The following UTY variants were observed in gnomAD, a reference collection of about 807,000 sequenced individuals.
UTY encodes ubiquitously transcribed tetratricopeptide repeat containing, Y-linked.
Under a neutral mutation model 32.5 loss-of-function variants are expected in UTY, and 12 were observed. The observed-to-expected ratio is 0.37, with a 90% CI of 0.24 to 0.60. The LOEUF (loss-of-function observed/expected upper bound fraction) is 0.60. Among genes scored for constraint, UTY ranks in the 20% least tolerant of loss-of-function variants. The probability of loss-of-function intolerance (pLI) is 0.69; values close to 1 mark genes in which losing one functional copy is unlikely to be tolerated. For synonymous variants in UTY, 131 were observed against 103.4 expected, an observed-to-expected ratio of 1.27 and a Z score of -1.62; for missense variants, 303 against 299.2, an observed-to-expected ratio of 1.01 and a Z score of -0.09.
At chrY:13,260,868 C>A (rs2055216167) in intron 27 of UTY, among the ~76,000 whole-genome samples, 1 of 33,148 alleles carries the variant, frequency 3.0e-5, no homozygotes, top group Non-Finnish European at 7.5e-5. Context: ...ATGGTCACTA[C>A]AAGATACAAA....
chrY:13,318,302 TAA>T, intron 21 of UTY, among the ~76,000 whole-genome samples: 1 of 31,434 alleles, frequency 3.2e-5, no homozygotes, highest in South Asian at 6.7e-4. Flanking sequence ...TAAGAAAGCT[TAA>T]AGAGAAATAA....
Position 13,335,619 on chromosome Y carries a change from T to G in UTY, c.2778A>C (p.Leu926Phe). The G allele has an allele frequency of 2.5e-6, 1 of 398,880 alleles. No individual in the cohort carries two copies. Among genetic ancestry groups the G allele is most frequent in the Non-Finnish European group, 3.5e-6 (1 of 283,542 alleles). ...GGCATATAGACACTGACATTGATGGTAAGATCTGAGAAGTAGATCTGTGGC... is the reference window on the plus strand; with the variant it reads ...GGCATATAGACACTGACATTGATGGGAAGATCTGAGAAGTAGATCTGTGGC... ...LASHRSTSQI[L>F]PSMSVSICPS... Residue 926 changes from leucine (L) to phenylalanine (F), a missense_variant, in exon 18 of 30, where the codon TTA (leucine) becomes TTC (phenylalanine). By Grantham distance (22) the Leu-to-Phe change is conservative (BLOSUM62 0). Transcript: ENST00000545955.
chrY:13,369,040 G>A (rs761227286), intron 9 of UTY, among the ~76,000 whole-genome samples: 1 of 32,849 alleles, frequency 3.0e-5, no homozygotes, highest in Admixed American at 2.8e-4. Context: ...AGAGTATCAT[G>A]GAACATATAA....
intron 27 of UTY, among the ~76,000 whole-genome samples, chrY:13,267,771 T>C: frequency 6.0e-5 from 2 of 33,425 alleles, no homozygotes; most frequent in Non-Finnish European, 1.5e-4. Flanking sequence ...CCCTTGCTTA[T>C]GAAGCTTAGT....
chrY:13,362,220 G>A (rs2063626636), intron 10 of UTY, among the ~76,000 whole-genome samples: 1 of 33,526 alleles, frequency 3.0e-5, no homozygotes, highest in South Asian at 6.5e-4. Flanking sequence ...CTCCTCTGTG[G>A]TAATCTAGAG....
intron 27 of UTY, among the ~76,000 whole-genome samples, chrY:13,289,389 G>A: frequency 1.8e-4 from 6 of 34,113 alleles, no homozygotes; most frequent in East Asian, 7.7e-4. Flanking sequence ...CCTAAACCCC[G>A]TAGTTAAAAA....
chrY:13,276,979 T>C, intron 27 of UTY, among the ~76,000 whole-genome samples: 2 of 34,205 alleles, frequency 5.8e-5, no homozygotes. Context: ...CTGAGTGAGT[T>C]AGCAGTAGAT....
chrY:13,421,587 T>G, intron 4 of UTY, among the ~76,000 whole-genome samples: 2 of 32,953 alleles, frequency 6.1e-5, no homozygotes, highest in African/African-American at 1.2e-4. Context: ...TGCCCAGCAA[T>G]TAAAGAGTAA....
chrY:13,250,097 C>T, intron 29 of UTY, among the ~76,000 whole-genome samples: 1 of 33,277 alleles, frequency 3.0e-5, no homozygotes, highest in South Asian at 6.8e-4. Flanking sequence ...CTCGGCTCAC[C>T]GCAACCCCTG....
chrY:13,433,123 A>G, intron 4 of UTY, among the ~76,000 whole-genome samples: 1 of 34,044 alleles, frequency 2.9e-5, no homozygotes, highest in Admixed American at 2.6e-4. Context: ...CTAAAGAAAG[A>G]ATCTGAATGT....
intron 27 of UTY, among the ~76,000 whole-genome samples, chrY:13,295,493 C>T (rs756490162): frequency 9.0e-5 from 3 of 33,256 alleles, no homozygotes; most frequent in South Asian, 6.8e-4. Flanking sequence ...ATCTCTGTGC[C>T]CCCACTCAAA....
intron 8 of UTY, among the ~76,000 whole-genome samples, chrY:13,388,584 A>G (rs2067171157): frequency 6.0e-5 from 2 of 33,597 alleles, no homozygotes; most frequent in African/African-American, 2.3e-4. Flanking sequence ...TCTGTTTTCC[A>G]TAATGGCTGT....
At chrY:13,318,871 A>C in intron 21 of UTY, among the ~76,000 whole-genome samples, 1 of 32,277 alleles carries the variant, frequency 3.1e-5, no homozygotes, top group Non-Finnish European at 7.5e-5. Context: ...GCTGGGTGTG[A>C]TGGTGCATGC....
rs752346446 is a variant in UTY at position 13,449,048 on chromosome Y, C to T, written c.344G>A (p.Arg115Lys). The T allele has an allele frequency of 2.1e-5, 8 of 380,587 alleles. No homozygotes were observed. The highest frequency in any genetic ancestry group is 1.3e-3 in the Middle Eastern group (2 of 1,596). The allele number at this position is 380,587 out of a possible 400,897, so 94.9% of individuals were successfully genotyped here. A position where few individuals can be genotyped will look rare whatever the true frequency, so the allele number is the denominator to read the frequency against. The stretch of plus-strand genomic sequence containing the variant: ...GTAGTCAGCCTGTAAACTGTAATAT[C>T]TCTGATATGCAGATAATGCTGGAAA... ...DYSKALSAYQ[R>K]YYSLQADYWK... The change falls in exon 4 of 30, where the codon AGA becomes AAA. Residue 115 changes from arginine to lysine, a missense_variant. Physicochemically the swap from Arg to Lys is conservative, Grantham distance 26. Coordinates refer to ENST00000545955, the MANE Select transcript of UTY (RefSeq NM_001258249.2).
At chrY:13,318,786 G>A in intron 21 of UTY, among the ~76,000 whole-genome samples, 6 of 32,399 alleles carry the variant, frequency 1.9e-4, no homozygotes, top group Non-Finnish European at 7.5e-5. Flanking sequence ...TGAGGCGGGC[G>A]GATCACGAGG....
At chrY:13,462,572 T>C (rs2077471615) in intron 3 of UTY, among the ~76,000 whole-genome samples, 1 of 33,235 alleles carries the variant, frequency 3.0e-5, no homozygotes, top group African/African-American at 1.2e-4. Context: ...CTTAGCATAA[T>C]GTCTTTAAGG....
intron 21 of UTY, among the ~76,000 whole-genome samples, chrY:13,320,534 C>A: frequency 3.1e-5 from 1 of 32,617 alleles, no homozygotes; most frequent in South Asian, 6.7e-4. Flanking sequence ...GAATTACCTG[C>A]ATGGACTAAA....
chrY:13,469,057 C>A (rs777045155), intron 3 of UTY, among the ~76,000 whole-genome samples: 893 of 32,680 alleles, frequency 0.027, no homozygotes, highest in Non-Finnish European at 1.7e-3. Flanking sequence ...TTACTTATAT[C>A]CAAAAGTTAT....
chrY:13,365,623 CATTA>C (rs2064055197), intron 10 of UTY, among the ~76,000 whole-genome samples: 1 of 31,238 alleles, frequency 3.2e-5, no homozygotes, highest in Non-Finnish European at 7.7e-5. Flanking sequence ...ATATTTTAAA[CATTA>C]ATTATATTGT....
Sources: allele counts gnomAD v4.1 joint callset (sites outside exome capture counted in the v4.1 genomes callset), GRCh38; gene constraint gnomAD v4.1.1; transcripts MANE v1.5; gene names NCBI Gene and HGNC (gene_info 2026-07-23, HGNC 2026-07-21).